The following MYT1L variants were observed in gnomAD, a reference collection of about 807,000 sequenced individuals.
MYT1L encodes myelin transcription factor 1-like protein.
In MYT1L, 12 loss-of-function variants were observed where a neutral mutation model predicts 126.7. The ratio of observed to expected loss-of-function variants is 0.09; its 90% CI spans 0.06 to 0.15. The LOEUF is 0.15. Ranked by LOEUF, MYT1L falls within the 10% of genes least tolerant of loss-of-function variation. The probability of loss-of-function intolerance (pLI) is 1.00; values close to 1 mark genes in which losing one functional copy is unlikely to be tolerated. For synonymous variants in MYT1L, 541 were observed against 604.2 expected, an observed-to-expected ratio of 0.90 and a Z score of 1.53; for missense variants, 979 against 1,585.2, an observed-to-expected ratio of 0.62 and a Z score of 6.49.
At position 1,979,864 on chromosome 2, in the gene MYT1L, A is replaced by G. The variant is rs2149492556; in HGVS notation, c.1-87T>C. 6 of 1,346,214 alleles carry G rather than the reference A, an allele frequency of 4.5e-6. No homozygotes were observed. The East Asian group carries it at 1.4e-4, about 31-fold the overall frequency. The allele number at this position is 1,346,214 out of a possible 1,614,324, so 83.4% of individuals were successfully genotyped here. A position where few individuals can be genotyped will look rare whatever the true frequency, so the allele number is the denominator to read the frequency against. ...GGCGGCTCACTCTCCCTGGCATTCT[A>G]TTAATGGGGCTTTAATCCTGTTTCC... is the stretch of plus-strand genomic sequence containing the variant. On this transcript the variant is annotated intron_variant, in intron 5 of 24. Transcript: ENST00000647738. The surrounding 1 kb of genome is among the most constrained non-coding windows in gnomAD (Gnocchi z 4.0).
At chr2:2,189,936 G>A (rs553260552) in intron 2 of MYT1L, among the ~76,000 whole-genome samples, 2 of 151,942 alleles carry the variant, frequency 1.3e-5, no homozygotes, top group African/African-American at 2.4e-5. Context: ...GGGGAGAAGC[G>A]CCTTCTCGGG....
At chr2:1,795,155 T>G (rs1233009711) in intron 23 of MYT1L, among the ~76,000 whole-genome samples, 3 of 152,234 alleles carry the variant, frequency 2.0e-5, no homozygotes, top group Non-Finnish European at 2.9e-5. Context: ...TCAGGGTCAC[T>G]GCTGCCCGTT....
In MYT1L at chr2:1,857,023, G is replaced by A. The variant is rs376975840; in HGVS notation, c.2712-5320C>T. On this transcript the variant is annotated intron_variant, in intron 18 of 24. Transcript: ENST00000647738. Reference sequence around the variant, plus strand: ...ACCATCACCTGCAGAGCAAGTGCACGCGGAGGCTCAGAGGCCACAGGCCTG... The same window carrying A: ...ACCATCACCTGCAGAGCAAGTGCACACGGAGGCTCAGAGGCCACAGGCCTG... 1.6e-4 allele frequency among the ~76,000 whole-genome samples: 24 copies of A among 152,310 alleles called. No homozygotes were observed. The East Asian group carries it at 3.7e-3, about 23-fold the overall frequency.
chr2:2,139,632 C>T (rs1166086113), intron 3 of MYT1L, among the ~76,000 whole-genome samples: 1 of 151,518 alleles, frequency 6.6e-6, no homozygotes, highest in Admixed American at 6.6e-5. Context: ...GAGCGACACT[C>T]CATCTCAAAA....
intron 21 of MYT1L, among the ~76,000 whole-genome samples, chr2:1,837,546 C>T (rs2148357832): frequency 6.6e-6 from 1 of 152,262 alleles, no homozygotes; most frequent in East Asian, 1.9e-4. Flanking sequence ...TCTGCTTGCA[C>T]AAGGACATGG....
At chr2:2,004,333 G>A (rs1249720842) in intron 4 of MYT1L, among the ~76,000 whole-genome samples, 3 of 144,472 alleles carry the variant, frequency 2.1e-5, no homozygotes, top group Admixed American at 2.1e-4. Flanking sequence ...GTTCTTTCCT[G>A]CATACGTTCT....
rs372700874 is a variant in MYT1L, at chr2:2,180,996, GTGTA to G, written c.-420-8012_-420-8009del. ...CCTGTGTGTGTACCTGTGTGTGCTT[GTGTA>G]TGTACCTGTGTGTGCACCTGTATCT... On this transcript the variant is annotated intron_variant, in intron 2 of 24. Coordinates refer to ENST00000647738, the MANE Select transcript of MYT1L (RefSeq NM_001303052.2). Among the ~76,000 whole-genome samples the G allele has an allele frequency of 9.4e-5, 14 of 149,140 alleles. 1 individual carries two copies. The highest frequency in any genetic ancestry group is 3.0e-4 in the African/African-American group (12 of 40,218).
chr2:1,856,731 T>C (rs1428640342), intron 18 of MYT1L, among the ~76,000 whole-genome samples: 1 of 152,198 alleles, frequency 6.6e-6, no homozygotes, highest in African/African-American at 2.4e-5. Context: ...ATGCTTGCAG[T>C]TCTACTAAGC....
In MYT1L at chr2:2,256,234, G is replaced by A. The variant is rs564975048; in HGVS notation, c.-421+28170C>T. 1.4e-4 allele frequency among the ~76,000 whole-genome samples: 22 copies of A among 152,348 alleles called. No homozygotes were observed. In the South Asian group the frequency reaches 2.1e-3, roughly 14 times the overall value. ...GTGAGGCCAAACTGGTCCGCAGGCC[G>A]AGGCCAGTGTGGGCACCATCAGCAA... On this transcript the variant is annotated intron_variant, in intron 2 of 24. Coordinates refer to ENST00000647738, the MANE Select transcript of MYT1L (RefSeq NM_001303052.2).
chr2:1,822,295 T>C (rs2038654979), intron 21 of MYT1L, among the ~76,000 whole-genome samples: 2 of 152,174 alleles, frequency 1.3e-5, no homozygotes, highest in South Asian at 4.1e-4. Context: ...ATTTTAGTAG[T>C]GTTTTAAGAT....
chr2:2,043,411 C>T (rs899110914), intron 4 of MYT1L, among the ~76,000 whole-genome samples: 3 of 152,158 alleles, frequency 2.0e-5, no homozygotes, highest in African/African-American at 7.2e-5. Context: ...TAAAAGGGGC[C>T]TCAGAACCAC....
chr2:2,265,582 GA>G (rs2095106784), intron 2 of MYT1L, among the ~76,000 whole-genome samples: 1 of 152,160 alleles, frequency 6.6e-6, no homozygotes, highest in South Asian at 2.1e-4. Context: ...TGGGATTTGG[GA>G]TGATGTCGGA....
intron 1 of MYT1L, among the ~76,000 whole-genome samples, chr2:2,292,764 C>T (rs2095618261): frequency 6.6e-6 from 1 of 152,170 alleles, no homozygotes. Context: ...AGCAAGTTTG[C>T]TTCCAAGGAA....
chr2:2,232,453 T>C (rs2094183577), intron 2 of MYT1L, among the ~76,000 whole-genome samples: 3 of 152,212 alleles, frequency 2.0e-5, no homozygotes. Flanking sequence ...ACTTGAAGTC[T>C]GCTCTTCTAC....
rs1009757715 is a variant in MYT1L, at chr2:1,889,831, G to A, written c.2284-354C>T. On this transcript the variant is annotated intron_variant, in intron 15 of 24. Coordinates refer to ENST00000647738, the MANE Select transcript of MYT1L (RefSeq NM_001303052.2). This position sits in a 1 kb window ranked among gnomAD's most constrained non-coding sequence, Gnocchi z 4.1. ...AGTTTGTTCAGAAGAAAATTACAAA[G>A]TGCTTAATTTTAATTTTATTACCGT... Among the ~76,000 whole-genome samples the A allele has an allele frequency of 3.3e-5, 5 of 151,894 alleles. No homozygotes were observed. The highest frequency in any genetic ancestry group is 9.7e-5 in the African/African-American group (4 of 41,326).
chr2:2,292,388 A>T (rs1054706918), intron 1 of MYT1L, among the ~76,000 whole-genome samples: 1 of 152,246 alleles, frequency 6.6e-6, no homozygotes, highest in African/African-American at 2.4e-5. Flanking sequence ...TGAAATGCAC[A>T]AAAGACTTAC....
At chr2:2,212,964 G>T (rs1213419212) in intron 2 of MYT1L, among the ~76,000 whole-genome samples, 1 of 152,158 alleles carries the variant, frequency 6.6e-6, no homozygotes, top group African/African-American at 2.4e-5. Context: ...GGGAAGAGAG[G>T]AAGAAGGCAA....
intron 2 of MYT1L, among the ~76,000 whole-genome samples, chr2:2,177,064 C>T (rs918096114): frequency 5.0e-4 from 76 of 152,176 alleles, no homozygotes; most frequent in African/African-American, 1.7e-3. Context: ...GGTAGCACTC[C>T]CACTGCTGAG....
intron 15 of MYT1L, 55 bp downstream of exon 15, chr2:1,891,982 C>G: frequency 6.9e-7 from 1 of 1,453,566 alleles, no homozygotes; most frequent in Non-Finnish European, 9.0e-7. Flanking sequence ...TGGCTGGGTC[C>G]GCGGCCCGGC....
Sources: allele counts gnomAD v4.1 joint callset (sites outside exome capture counted in the v4.1 genomes callset), GRCh38; gene constraint gnomAD v4.1.1; non-coding constraint Gnocchi (gnomAD v3.1); transcripts MANE v1.5; gene names NCBI Gene and HGNC (gene_info 2026-07-23, HGNC 2026-07-21).